CSMD1: variants seen among roughly 807,000 people sequenced by gnomAD.
CSMD1 encodes CUB and Sushi multiple domains 1.
CSMD1 carries 213 observed loss-of-function variants against 417.5 expected under a neutral mutation model. The ratio of observed to expected loss-of-function variants is 0.51; its 90% CI spans 0.46 to 0.57. The LOEUF (loss-of-function observed/expected upper bound fraction) is 0.57, where lower values mean the gene tolerates loss of function less well. Among genes scored for constraint, CSMD1 ranks in the 20% least tolerant of loss-of-function variants. CSMD1 has a pLI of 0.00. For missense variants in CSMD1, 6,923 were observed against 4,529.7 expected, an observed-to-expected ratio of 1.53 and a Z score of -15.17; for synonymous variants, 2,862 against 1,736.8, an observed-to-expected ratio of 1.65 and a Z score of -16.11.
intron 9 of CSMD1, among the ~76,000 whole-genome samples, chr8:3,576,128 CA>C (rs767352614): frequency 2.6e-5 from 4 of 152,078 alleles, no homozygotes; most frequent in Non-Finnish European, 4.4e-5. Context: ...ATTATTCTAG[CA>C]GACTCAGCTA....
At chr8:3,141,554 C>A (rs1818480650) in intron 41 of CSMD1, among the ~76,000 whole-genome samples, 1 of 152,100 alleles carries the variant, frequency 6.6e-6, no homozygotes, top group Non-Finnish European at 1.5e-5. Flanking sequence ...TCTGAACCTC[C>A]CCAAATTGCT....
chr8:3,666,723 C>G (rs1251973749), intron 7 of CSMD1, among the ~76,000 whole-genome samples: 1 of 152,176 alleles, frequency 6.6e-6, no homozygotes, highest in Non-Finnish European at 1.5e-5. Context: ...GGGGAAACCC[C>G]TTTGGCTTGG....
intron 1 of CSMD1, among the ~76,000 whole-genome samples, chr8:4,698,121 G>C (rs1460113929): frequency 2.1e-5 from 3 of 139,718 alleles, no homozygotes; most frequent in African/African-American, 8.3e-5. Flanking sequence ...GAACACTTTT[G>C]CTTTGAATAC....
intron 21 of CSMD1, among the ~76,000 whole-genome samples, chr8:3,358,013 A>G (rs935073538): frequency 1.2e-4 from 18 of 152,242 alleles, no homozygotes; most frequent in African/African-American, 4.1e-4. Context: ...TTTGAGTTAC[A>G]TAATATCCCT....
intron 12 of CSMD1, among the ~76,000 whole-genome samples, chr8:3,453,298 T>C (rs1252109362): frequency 6.6e-6 from 1 of 152,208 alleles, no homozygotes; most frequent in African/African-American, 2.4e-5. Context: ...GGGTTTTTTG[T>C]GTCTCTATTT....
intron 2 of CSMD1, among the ~76,000 whole-genome samples, chr8:4,466,856 A>G (rs1800203352): frequency 6.6e-6 from 1 of 152,234 alleles, no homozygotes; most frequent in Non-Finnish European, 1.5e-5. Context: ...TTATTCCAAG[A>G]TGACTTCAGC....
At chr8:4,650,426 G>C (rs1803822026) in intron 1 of CSMD1, among the ~76,000 whole-genome samples, 1 of 150,366 alleles carries the variant, frequency 6.7e-6, no homozygotes, top group African/African-American at 2.5e-5. Flanking sequence ...TTGATCTTCA[G>C]CTAAATTTCT....
chr8:4,768,372 T>A (rs988946123), intron 1 of CSMD1, among the ~76,000 whole-genome samples: 1 of 152,164 alleles, frequency 6.6e-6, no homozygotes, highest in Non-Finnish European at 1.5e-5. Context: ...CAAAGCTTCC[T>A]GTTCTTTCCA....
chr8:3,954,577 C>A (rs1329022778), intron 5 of CSMD1, among the ~76,000 whole-genome samples: 1 of 152,208 alleles, frequency 6.6e-6, no homozygotes, highest in Non-Finnish European at 1.5e-5. Context: ...CCGTGTTGCT[C>A]AGGCTGGAAC....
intron 10 of CSMD1, among the ~76,000 whole-genome samples, chr8:3,550,445 A>T (rs751502143): frequency 4.6e-5 from 7 of 152,176 alleles, no homozygotes; most frequent in African/African-American, 1.7e-4. Flanking sequence ...TAATCTTTTA[A>T]AAGTTTTTTA....
intron 1 of CSMD1, among the ~76,000 whole-genome samples, chr8:4,813,196 T>C (rs1799006015): frequency 6.6e-6 from 1 of 152,220 alleles, no homozygotes; most frequent in Admixed American, 6.5e-5. Context: ...ACTGCATGTT[T>C]TGGGCTTAGG....
At chr8:4,461,363 G>T (rs572407285) in intron 2 of CSMD1, among the ~76,000 whole-genome samples, 3 of 151,646 alleles carry the variant, frequency 2.0e-5, no homozygotes, top group East Asian at 1.9e-4. Flanking sequence ...TTTAGCTAGG[G>T]CAGTGATGCA....
chr8:3,691,273 C>T (rs1037243002), intron 7 of CSMD1, among the ~76,000 whole-genome samples: 1 of 151,902 alleles, frequency 6.6e-6, no homozygotes, highest in African/African-American at 2.4e-5. Context: ...GAGGCTGAAG[C>T]AGGAGATCAC....
intron 6 of CSMD1, among the ~76,000 whole-genome samples, chr8:3,743,126 C>T (rs1181029680): frequency 6.6e-6 from 1 of 152,172 alleles, no homozygotes; most frequent in Non-Finnish European, 1.5e-5. Flanking sequence ...GAGAGACTTG[C>T]TCAGTGTCAT....
intron 3 of CSMD1, among the ~76,000 whole-genome samples, chr8:4,233,965 A>G (rs1801892798): frequency 6.6e-6 from 1 of 150,704 alleles, no homozygotes. Context: ...GCTTAAGGTA[A>G]AACGGCGGGG....
At chr8:3,398,018 T>C (rs1379827250) in intron 16 of CSMD1, among the ~76,000 whole-genome samples, 1 of 152,186 alleles carries the variant, frequency 6.6e-6, no homozygotes, top group East Asian at 1.9e-4. Context: ...ATATCGGGTA[T>C]TTCCAAATGG....
intron 1 of CSMD1, among the ~76,000 whole-genome samples, chr8:4,899,125 T>C (rs1338444303): frequency 6.6e-6 from 1 of 152,216 alleles, no homozygotes; most frequent in Non-Finnish European, 1.5e-5. Context: ...AATTTGGTTA[T>C]ACACGTATCA....
chr8:3,827,941 G>T (rs1055356370), intron 5 of CSMD1, among the ~76,000 whole-genome samples: 3 of 152,158 alleles, frequency 2.0e-5, no homozygotes, highest in African/African-American at 7.2e-5. Context: ...AGAAAATAAA[G>T]TATCTATCCT....
At chr8:4,874,897 T>C (rs191487486) in intron 1 of CSMD1, among the ~76,000 whole-genome samples, 5 of 150,024 alleles carry the variant, frequency 3.3e-5, no homozygotes, top group Admixed American at 6.7e-5. Flanking sequence ...ATAGTGTATA[T>C]ATAGTATATA....
Sources: gnomAD v4.1 joint callset for allele counts (sites outside exome capture counted in the v4.1 genomes callset) on GRCh38, gnomAD v4.1.1 for gene constraint, MANE v1.5 for transcripts, NCBI Gene and HGNC (gene_info 2026-07-23, HGNC 2026-07-21) for gene names.